The following KCND2 variants were observed in gnomAD, a reference collection of about 807,000 sequenced individuals.
The protein encoded by KCND2 is potassium voltage-gated channel subfamily D member 2.
Under a neutral mutation model 54.4 loss-of-function variants are expected in KCND2, and 16 were observed. The observed-to-expected ratio is 0.29, with a 90% CI of 0.20 to 0.45. The LOEUF is 0.45. Among genes scored for constraint, KCND2 ranks in the 20% least tolerant of loss-of-function variants. The probability of loss-of-function intolerance (pLI) is 1.00; values close to 1 mark genes in which losing one functional copy is unlikely to be tolerated. For synonymous variants in KCND2, 317 were observed against 310.7 expected (o/e 1.02, Z -0.21); for missense variants, 486 against 824.2 (o/e 0.59, Z 5.02).
At chr7:120,398,816 C>G (rs895943162) in intron 1 of KCND2, among the ~76,000 whole-genome samples, 7 of 151,910 alleles carry the variant, frequency 4.6e-5, no homozygotes, top group Admixed American at 2.0e-4. Context: ...AAGGAAAGTA[C>G]CCTTAATGGA....
chr7:120,371,660 T>C (rs372981857), intron 1 of KCND2, among the ~76,000 whole-genome samples: 3 of 152,058 alleles, frequency 2.0e-5, no homozygotes, highest in East Asian at 3.9e-4. Flanking sequence ...GGTAGATATT[T>C]TATACAGGTG....
intron 1 of KCND2, among the ~76,000 whole-genome samples, chr7:120,566,755 A>ATAT (rs71170203): frequency 0.93 from 139,079 of 150,290 alleles, 64,949 homozygotes; most frequent in Middle Eastern, 0.99. Flanking sequence ...TATATTGTAT[A>ATAT]TATTATTATT....
In KCND2 at chr7:120,318,354, G is replaced by T. The variant is rs541980793; in HGVS notation, c.1115+42607G>T. 4.6e-5 allele frequency among the ~76,000 whole-genome samples: 7 copies of T among 152,198 alleles called. No homozygotes were observed. In the South Asian group the frequency reaches 1.2e-3, roughly 27 times the overall value. Reference sequence around the variant, plus strand: ...AATTTGATTTATATCACTAAGTCTAGATCATAATCCTAGGCTCTTTCAGAA... The same window carrying T: ...AATTTGATTTATATCACTAAGTCTATATCATAATCCTAGGCTCTTTCAGAA... On this transcript the variant is annotated intron_variant, in intron 1 of 5. Transcript: ENST00000331113.
At chr7:120,557,058 A>AT (rs752967179) in intron 1 of KCND2, among the ~76,000 whole-genome samples, 43 of 152,090 alleles carry the variant, frequency 2.8e-4, no homozygotes, top group Non-Finnish European at 5.4e-4. Flanking sequence ...CTAGTCTTTC[A>AT]TTTTTTCTCA....
intron 1 of KCND2, among the ~76,000 whole-genome samples, chr7:120,457,404 A>G (rs1802215544): frequency 6.6e-6 from 1 of 152,094 alleles, no homozygotes; most frequent in Admixed American, 6.6e-5. Flanking sequence ...ATTCTTTGCC[A>G]CTTAGAAATT....
intron 1 of KCND2, among the ~76,000 whole-genome samples, chr7:120,657,144 A>T (rs1000682223): frequency 2.0e-5 from 3 of 152,160 alleles, no homozygotes; most frequent in Non-Finnish European, 2.9e-5. Flanking sequence ...TCAAGAAGAG[A>T]CATTGTTACT....
intron 1 of KCND2, among the ~76,000 whole-genome samples, chr7:120,366,265 A>T (rs1314057606): frequency 6.6e-6 from 1 of 152,056 alleles, no homozygotes; most frequent in Non-Finnish European, 1.5e-5. Context: ...CAGACATATC[A>T]CTTGAGGTGA....
At chr7:120,434,628 C>T (rs1387112634) in intron 1 of KCND2, among the ~76,000 whole-genome samples, 1 of 152,218 alleles carries the variant, frequency 6.6e-6, no homozygotes, top group African/African-American at 2.4e-5. Flanking sequence ...AACGTAGTGG[C>T]AACTGCAGTG....
chr7:120,358,509 T>A (rs1358781782), intron 1 of KCND2, among the ~76,000 whole-genome samples: 1 of 152,154 alleles, frequency 6.6e-6, no homozygotes, highest in African/African-American at 2.4e-5. Context: ...AGGTTTCCTT[T>A]TTTTTTGTCT....
At chr7:120,725,094 T>C (rs1792716681) in intron 1 of KCND2, among the ~76,000 whole-genome samples, 1 of 152,096 alleles carries the variant, frequency 6.6e-6, no homozygotes, top group African/African-American at 2.4e-5. Context: ...AGGAAAGAAT[T>C]TGGTTTTTTT....
chr7:120,389,834 A>T (rs2116048753), intron 1 of KCND2, among the ~76,000 whole-genome samples: 1 of 152,004 alleles, frequency 6.6e-6, no homozygotes, highest in Admixed American at 6.6e-5. Flanking sequence ...GTTGTTGAAT[A>T]ATTTTTTAAA....
At chr7:120,615,300 C>A (rs1322302186) in intron 1 of KCND2, among the ~76,000 whole-genome samples, 1 of 152,150 alleles carries the variant, frequency 6.6e-6, no homozygotes, top group African/African-American at 2.4e-5. Flanking sequence ...AACCTGGCTT[C>A]AAGATCCTTT....
chr7:120,721,393 A>G (rs1055897805), intron 1 of KCND2, among the ~76,000 whole-genome samples: 10 of 152,224 alleles, frequency 6.6e-5, no homozygotes, highest in African/African-American at 2.4e-4. Flanking sequence ...AAAATAATCC[A>G]AACACAAATC....
At chr7:120,565,510 T>C (rs1427443161) in intron 1 of KCND2, among the ~76,000 whole-genome samples, 1 of 152,216 alleles carries the variant, frequency 6.6e-6, no homozygotes, top group East Asian at 1.9e-4. Flanking sequence ...GTTCATAATC[T>C]AGTTGTGTAA....
intron 1 of KCND2, among the ~76,000 whole-genome samples, chr7:120,385,252 CA>C (rs1800972275): frequency 6.6e-6 from 1 of 151,826 alleles, no homozygotes. Context: ...CTCAGCCTCT[CA>C]AAGTGCTGGG....
chr7:120,470,715 G>A (rs532039258), intron 1 of KCND2, among the ~76,000 whole-genome samples: 154 of 152,062 alleles, frequency 1.0e-3, no homozygotes, highest in Non-Finnish European at 1.9e-3. Flanking sequence ...TCTAGAAAAG[G>A]CATAGAACAG....
intron 1 of KCND2, among the ~76,000 whole-genome samples, chr7:120,423,900 T>C (rs1801663226): frequency 6.6e-6 from 1 of 152,212 alleles, no homozygotes; most frequent in Non-Finnish European, 1.5e-5. Flanking sequence ...CAAAACCAGA[T>C]ATAAAACTTT....
intron 1 of KCND2, among the ~76,000 whole-genome samples, chr7:120,292,294 A>C (rs905855837): frequency 6.6e-6 from 1 of 151,854 alleles, no homozygotes. Flanking sequence ...TTATTTTTTT[A>C]AGTGCCCATG....
chr7:120,623,018 A>G (rs1459763601), intron 1 of KCND2, among the ~76,000 whole-genome samples: 2 of 152,194 alleles, frequency 1.3e-5, no homozygotes, highest in Non-Finnish European at 2.9e-5. Flanking sequence ...ATTAATAGTA[A>G]TATAATAGAC....
Sources: allele counts gnomAD v4.1 joint callset (sites outside exome capture counted in the v4.1 genomes callset), GRCh38; gene constraint gnomAD v4.1.1; transcripts MANE v1.5; gene names NCBI Gene and HGNC (gene_info 2026-07-23, HGNC 2026-07-21).